TRPC7: variants seen among roughly 807,000 people sequenced by gnomAD.
TRPC7 encodes the protein short transient receptor potential channel 7.
In TRPC7, 42 loss-of-function variants were observed where a neutral mutation model predicts 90.1. That is an observed-to-expected ratio of 0.47 (90% CI 0.36 to 0.60). TRPC7 has a LOEUF of 0.60. TRPC7 is among the 20% of genes least tolerant of loss of function. The pLI, the probability that TRPC7 is intolerant of heterozygous loss-of-function variation, is 0.00. For synonymous variants in TRPC7, 451 were observed against 436.3 expected, an observed-to-expected ratio of 1.03 and a Z score of -0.42; for missense variants, 955 against 1,112.3, an observed-to-expected ratio of 0.86 and a Z score of 2.01.
chr5:136,254,720 C>A (rs893492443), intron 5 of TRPC7, among the ~76,000 whole-genome samples: 1 of 152,150 alleles, frequency 6.6e-6, no homozygotes, highest in Non-Finnish European at 1.5e-5. Context: ...TTTTGACTTT[C>A]AAGTCTTATT....
rs533509474 is a variant in TRPC7, at chr5:136,229,539, G to T, written c.2040+1815C>A. ...GAAGTTAAATGAGGTCACGAGGATG[G>T]GGCCCCGATCTTCTTGGACTGGTGG... is the stretch of plus-strand genomic sequence containing the variant. On this transcript the variant is annotated intron_variant, in intron 8 of 11. Transcript: ENST00000513104. Among the ~76,000 whole-genome samples, 61 of 152,186 alleles carry T rather than the reference G, an allele frequency of 4.0e-4. No individual in the cohort carries two copies. In the South Asian group the frequency reaches 9.4e-3, roughly 23 times the overall value.
At chr5:136,280,990 C>A (rs957614579) in intron 3 of TRPC7, among the ~76,000 whole-genome samples, 1 of 152,144 alleles carries the variant, frequency 6.6e-6, no homozygotes, top group African/African-American at 2.4e-5. Context: ...GAACCCAGGC[C>A]AGTTTGACAT....
At chr5:136,365,212 G>GAA (rs11404834) in intron 1 of TRPC7, 41 bp downstream of exon 1, 840 of 1,510,712 alleles carry the variant, frequency 5.6e-4, no homozygotes, top group Non-Finnish European at 6.7e-4. Context: ...ACCTCTACTG[G>GAA]AAAAAAAAAT....
intron 3 of TRPC7, among the ~76,000 whole-genome samples, chr5:136,289,935 G>A (rs1456898286): frequency 2.0e-5 from 3 of 152,188 alleles, no homozygotes. Context: ...GTACTCCTCT[G>A]AGACAAAACT....
chr5:136,282,444 T>A (rs1481752842), intron 3 of TRPC7, among the ~76,000 whole-genome samples: 1 of 152,246 alleles, frequency 6.6e-6, no homozygotes, highest in Non-Finnish European at 1.5e-5. Context: ...TATTTTTACA[T>A]AATTATTTTA....
At chr5:136,231,933 A>G (rs1755830052) in intron 7 of TRPC7, among the ~76,000 whole-genome samples, 1 of 152,166 alleles carries the variant, frequency 6.6e-6, no homozygotes, top group South Asian at 2.1e-4. Context: ...GAAAGTTGCC[A>G]TTGGTCATGC....
intron 8 of TRPC7, chr5:136,226,570 C>G: frequency 2.8e-6 from 1 of 360,314 alleles, no homozygotes; most frequent in East Asian, 4.8e-5. Flanking sequence ...ACTTTTCTCA[C>G]TGCCACTTAA....
chr5:136,340,035 G>T (rs936592466), intron 2 of TRPC7, among the ~76,000 whole-genome samples: 1 of 152,092 alleles, frequency 6.6e-6, no homozygotes, highest in Non-Finnish European at 1.5e-5. Context: ...GTTAATTGCA[G>T]TATTATTTGC....
chr5:136,271,015 G>A (rs1208850629), intron 4 of TRPC7, among the ~76,000 whole-genome samples: 1 of 152,138 alleles, frequency 6.6e-6, no homozygotes, highest in African/African-American at 2.4e-5. Flanking sequence ...CTCCTGGTTG[G>A]CCCCTGAACC....
intron 3 of TRPC7, among the ~76,000 whole-genome samples, chr5:136,305,464 A>G (rs1192524319): frequency 2.0e-5 from 3 of 152,078 alleles, no homozygotes; most frequent in Non-Finnish European, 4.4e-5. Context: ...CTCCTCAGGG[A>G]TTATTCAGGC....
At chr5:136,240,591 T>C (rs1241098614) in intron 7 of TRPC7, among the ~76,000 whole-genome samples, 1 of 152,188 alleles carries the variant, frequency 6.6e-6, no homozygotes, top group African/African-American at 2.4e-5. Flanking sequence ...GTATGCTCTT[T>C]TTCAGAATTT....
chr5:136,289,357 T>A (rs1217593893), intron 3 of TRPC7, among the ~76,000 whole-genome samples: 1 of 152,230 alleles, frequency 6.6e-6, no homozygotes, highest in Non-Finnish European at 1.5e-5. Flanking sequence ...TCGCCTCACC[T>A]GGGAAGTGCA....
Position 136,356,899 on chromosome 5 carries a change from G to A in TRPC7, c.489C>T (p.His163=), listed in dbSNP as rs377099996. 9.3e-6 allele frequency: 15 copies of A among 1,613,898 alleles called. No homozygotes were observed. The highest frequency in any genetic ancestry group is 1.6e-4 in the Middle Eastern group (1 of 6,062). The change falls in exon 2 of 12, where the codon CAC becomes CAT. Residue 163 remains histidine, a synonymous_variant. Coordinates refer to ENST00000513104, the MANE Select transcript of TRPC7 (RefSeq NM_020389.3). ...CCGCCAGGATGATGGGCGTGATGTCGTGGGAGAAGCGCGTGCCGTCCTCGT... is the reference window on the plus strand; with the variant it reads ...CCGCCAGGATGATGGGCGTGATGTCATGGGAGAAGCGCGTGCCGTCCTCGT... ...AYDEDGTRFS[H]DITPIILAAH...
intron 2 of TRPC7, among the ~76,000 whole-genome samples, chr5:136,332,191 G>C (rs1759523677): frequency 6.6e-6 from 1 of 152,024 alleles, no homozygotes; most frequent in African/African-American, 2.4e-5. Flanking sequence ...CCCGTGCTAA[G>C]AGGAAGAAGA....
chr5:136,237,242 A>G (rs1756011272), intron 7 of TRPC7, among the ~76,000 whole-genome samples: 1 of 152,194 alleles, frequency 6.6e-6, no homozygotes, highest in South Asian at 2.1e-4. Flanking sequence ...TTTGATTTAG[A>G]CAGTCTAGAA....
At chr5:136,284,432 A>G (rs1187756253) in intron 3 of TRPC7, among the ~76,000 whole-genome samples, 2 of 152,218 alleles carry the variant, frequency 1.3e-5, no homozygotes, top group East Asian at 3.8e-4. Context: ...CAGAATGTTC[A>G]TATTCTTTAG....
chr5:136,285,521 T>C (rs1025015900), intron 3 of TRPC7, among the ~76,000 whole-genome samples: 7 of 152,216 alleles, frequency 4.6e-5, no homozygotes, highest in African/African-American at 1.7e-4. Flanking sequence ...TGGGCCAGTG[T>C]GGGTCTAATT....
chr5:136,244,633 T>A (rs77032135), intron 7 of TRPC7, among the ~76,000 whole-genome samples: 2,079 of 152,336 alleles, frequency 0.014, 23 homozygotes, highest in Non-Finnish European at 0.02. Context: ...CAGGGTCTGA[T>A]CACAGAAAGT....
chr5:136,302,224 A>T (rs2149832066), intron 3 of TRPC7, among the ~76,000 whole-genome samples: 1 of 152,214 alleles, frequency 6.6e-6, no homozygotes, highest in East Asian at 1.9e-4. Flanking sequence ...CTGATTATTC[A>T]CCATTTCAAA....
Sources: allele counts gnomAD v4.1 joint callset (sites outside exome capture counted in the v4.1 genomes callset), GRCh38; gene constraint gnomAD v4.1.1; transcripts MANE v1.5; gene names NCBI Gene and HGNC (gene_info 2026-07-23, HGNC 2026-07-21).